PAM: variants seen among roughly 807,000 people sequenced by gnomAD.
PAM encodes the protein peptidyl-glycine alpha-amidating monooxygenase.
Under a neutral mutation model 122.1 loss-of-function variants are expected in PAM, and 72 were observed. The ratio of observed to expected loss-of-function variants is 0.59; its 90% confidence interval spans 0.49 to 0.72. The LOEUF (loss-of-function observed/expected upper bound fraction) is 0.72. PAM is among the 30% of genes least tolerant of loss of function. The pLI is 0.00. For missense variants in PAM, 1,106 were observed against 1,183.7 expected (o/e 0.93, Z 0.96); for synonymous variants, 389 against 404.4 (o/e 0.96, Z 0.46).
chr5:102,884,404 GCT>G (rs2151180195), intron 3 of PAM, among the ~76,000 whole-genome samples: 1 of 151,884 alleles, frequency 6.6e-6, no homozygotes, highest in South Asian at 2.1e-4. Context: ...TTGCACCGGT[GCT>G]ATTAAAAGAG....
At chr5:102,870,760 T>C (rs1351057192) in intron 3 of PAM, among the ~76,000 whole-genome samples, 1 of 152,150 alleles carries the variant, frequency 6.6e-6, no homozygotes, top group Non-Finnish European at 1.5e-5. Flanking sequence ...TAGCCTATCA[T>C]AGAGATAAAG....
At chr5:102,937,912 CAG>C (rs1460987793) in intron 7 of PAM, among the ~76,000 whole-genome samples, 5 of 152,226 alleles carry the variant, frequency 3.3e-5, no homozygotes, top group Admixed American at 3.3e-4. Context: ...TAATAAAGAT[CAG>C]AGTGGTTTAC....
intron 1 of PAM, among the ~76,000 whole-genome samples, chr5:102,821,758 T>C (rs575056842): frequency 6.6e-6 from 1 of 152,272 alleles, no homozygotes. Flanking sequence ...TGGGATTACT[T>C]GGACAGACTG....
rs143839673 is a variant in PAM, at chr5:102,762,055, C to T, written c.-374+6707C>T. 1.2e-3 allele frequency among the ~76,000 whole-genome samples: 185 copies of T among 152,252 alleles called. 1 individual carries two copies. The highest frequency in any genetic ancestry group is 4.2e-3 in the African/African-American group (173 of 41,560). ...GATTTTTCCCCATTTAGTTTAAAAA[C>T]GTTACTTTGTTAAATGTCTTTTTCT... On this transcript the variant is annotated intron_variant, in intron 1 of 25. Transcript: ENST00000438793.
At chr5:102,908,053 T>A (rs1800152629) in intron 4 of PAM, among the ~76,000 whole-genome samples, 1 of 152,126 alleles carries the variant, frequency 6.6e-6, no homozygotes, top group Non-Finnish European at 1.5e-5. Flanking sequence ...TGCCCATGCC[T>A]ATGTCCTGAA....
intron 1 of PAM, among the ~76,000 whole-genome samples, chr5:102,848,120 C>G (rs900501397): frequency 1.3e-5 from 2 of 151,938 alleles, no homozygotes; most frequent in African/African-American, 4.8e-5. Context: ...TTTGGATTAC[C>G]AGATGTGTTC....
At chr5:102,993,134 T>G (rs1774657748) in intron 16 of PAM, among the ~76,000 whole-genome samples, 1 of 152,122 alleles carries the variant, frequency 6.6e-6, no homozygotes, top group African/African-American at 2.4e-5. Context: ...TCACTCCCTT[T>G]CTCAATATGA....
chr5:102,827,923 A>G (rs1028673654), intron 1 of PAM, among the ~76,000 whole-genome samples: 1 of 152,120 alleles, frequency 6.6e-6, no homozygotes, highest in Non-Finnish European at 1.5e-5. Context: ...CTATGATTTT[A>G]GCATTAAAAA....
chr5:102,898,658 G>A (rs185570380), intron 3 of PAM, among the ~76,000 whole-genome samples: 1 of 151,682 alleles, frequency 6.6e-6, no homozygotes, highest in Admixed American at 6.6e-5. Context: ...AGGTGCTATT[G>A]AAAATGTAGG....
intron 3 of PAM, among the ~76,000 whole-genome samples, chr5:102,899,107 C>T (rs1796974586): frequency 6.7e-6 from 1 of 150,282 alleles, no homozygotes; most frequent in African/African-American, 2.4e-5. Context: ...TCTCTTTCTT[C>T]AACTGGCTTT....
chr5:102,827,625 T>C (rs1293030675), intron 1 of PAM, among the ~76,000 whole-genome samples: 2 of 152,016 alleles, frequency 1.3e-5, no homozygotes, highest in Non-Finnish European at 2.9e-5. Flanking sequence ...TCCAGTGGAA[T>C]GTAAAATAAA....
intron 1 of PAM, among the ~76,000 whole-genome samples, chr5:102,806,494 G>A (rs547317759): frequency 2.6e-5 from 4 of 152,174 alleles, no homozygotes; most frequent in East Asian, 1.9e-4. Flanking sequence ...AAATGTCCTG[G>A]GTGTGTATCT....
chr5:103,002,427 G>C (rs1031124836), intron 16 of PAM, among the ~76,000 whole-genome samples: 2 of 151,946 alleles, frequency 1.3e-5, no homozygotes, highest in African/African-American at 4.8e-5. Flanking sequence ...GCTGTTATTT[G>C]GTAAGTTTTA....
In PAM at chr5:102,840,794, A is replaced by G. The variant is rs780181305; in HGVS notation, c.-373-25029A>G. ...GCCAGCAGGGTAGAGGAAGGGGCAA[A>G]GAAGAGCACACAAAACTTTAAAACT... On this transcript the variant is annotated intron_variant, in intron 1 of 25. Coordinates refer to ENST00000438793, the MANE Select transcript of PAM (RefSeq NM_001177306.2). Among the ~76,000 whole-genome samples the G allele has an allele frequency of 9.2e-5, 14 of 152,188 alleles. 1 individual carries two copies. Among genetic ancestry groups the G allele is most frequent in the Non-Finnish European group, 1.5e-5 (1 of 68,036 alleles).
intron 7 of PAM, among the ~76,000 whole-genome samples, chr5:102,942,066 A>G (rs1163319972): frequency 1.3e-5 from 2 of 152,060 alleles, no homozygotes; most frequent in African/African-American, 4.8e-5. Flanking sequence ...CTGTATAGAA[A>G]TATCTTTTTA....
At chr5:102,792,090 T>C (rs1055832360) in intron 1 of PAM, among the ~76,000 whole-genome samples, 8 of 152,170 alleles carry the variant, frequency 5.3e-5, no homozygotes, top group African/African-American at 1.9e-4. Flanking sequence ...ATCCTTCTTT[T>C]TTTTCACAAG....
chr5:102,847,092 C>T (rs1297536724), intron 1 of PAM, among the ~76,000 whole-genome samples: 2 of 152,164 alleles, frequency 1.3e-5, no homozygotes, highest in Non-Finnish European at 2.9e-5. Flanking sequence ...TTTTCTTTCT[C>T]CCGAGTCCCA....
chr5:102,754,866 G>A (rs937362770), upstream of PAM: 2 of 152,336 alleles, frequency 1.3e-5, no homozygotes, highest in African/African-American at 4.8e-5. Context: ...GAGGGTCAGA[G>A]ACTTTCAGGC....
At chr5:102,893,936 G>T (rs1392953408) in intron 3 of PAM, among the ~76,000 whole-genome samples, 3 of 151,508 alleles carry the variant, frequency 2.0e-5, no homozygotes, top group African/African-American at 7.3e-5. Context: ...CAAGCTCTTC[G>T]GTTTTTGTCG....
Sources: gnomAD v4.1 joint callset for allele counts (sites outside exome capture counted in the v4.1 genomes callset) on GRCh38, gnomAD v4.1.1 for gene constraint, MANE v1.5 for transcripts, NCBI Gene and HGNC (gene_info 2026-07-23, HGNC 2026-07-21) for gene names.